The following AFF1 variants were observed in gnomAD, a reference collection of about 807,000 sequenced individuals.
AFF1 encodes the protein ALF transcription elongation factor 1, also known as AF4/FMR2 family member 1.
A neutral mutation model predicts 121.7 loss-of-function variants in AFF1; 48 were observed. That is an observed-to-expected ratio of 0.39 (90% confidence interval 0.31 to 0.50). The LOEUF (loss-of-function observed/expected upper bound fraction) is 0.50, where lower values mean the gene tolerates loss of function less well. Among genes scored for constraint, AFF1 ranks in the 20% least tolerant of loss-of-function variants. AFF1 has a pLI of 0.76. For synonymous variants in AFF1, 613 were observed against 563.0 expected (o/e 1.09, Z -1.26); for missense variants, 1,523 against 1,511.7 (o/e 1.01, Z -0.12).
At chr4:87,040,720 C>G (rs1432240955) in intron 2 of AFF1, among the ~76,000 whole-genome samples, 1 of 151,854 alleles carries the variant, frequency 6.6e-6, no homozygotes, top group Non-Finnish European at 1.5e-5. Context: ...CAGGCGCCTG[C>G]CACCACACCC....
At chr4:87,071,823 G>A (rs1167977756) in intron 4 of AFF1, among the ~76,000 whole-genome samples, 3 of 152,164 alleles carry the variant, frequency 2.0e-5, no homozygotes, top group Non-Finnish European at 2.9e-5. Context: ...AGAAAAGTAT[G>A]GAGGGAAAGG....
chr4:87,079,944 C>T (rs1029187888), intron 4 of AFF1, among the ~76,000 whole-genome samples: 1 of 152,020 alleles, frequency 6.6e-6, no homozygotes, highest in African/African-American at 2.4e-5. Context: ...AATAATGGTG[C>T]GTCGTACAAT....
chr4:87,072,203 A>T (rs998699594), intron 4 of AFF1, among the ~76,000 whole-genome samples: 1 of 152,034 alleles, frequency 6.6e-6, no homozygotes, highest in Non-Finnish European at 1.5e-5. Context: ...CTCTACTAAA[A>T]ATACAAAAAA....
chr4:87,045,462 C>G (rs929570762), intron 2 of AFF1, among the ~76,000 whole-genome samples: 1 of 149,540 alleles, frequency 6.7e-6, no homozygotes, highest in Non-Finnish European at 1.5e-5. Flanking sequence ...CGTTTAACCC[C>G]TTTAGTGCCA....
chr4:87,042,147 T>C (rs993888907), intron 2 of AFF1, among the ~76,000 whole-genome samples: 5 of 152,196 alleles, frequency 3.3e-5, no homozygotes, highest in Non-Finnish European at 5.9e-5. Flanking sequence ...GTGATGTGTA[T>C]AGGCTCAACA....
intron 1 of AFF1, chr4:86,936,604 C>T (rs1197631512): frequency 1.3e-5 from 2 of 152,146 alleles, no homozygotes; most frequent in African/African-American, 2.4e-5. Context: ...CCGAAGAATA[C>T]CTAGGCATGG....
chr4:87,033,959 A>G (rs760641782), intron 2 of AFF1, among the ~76,000 whole-genome samples: 62 of 152,156 alleles, frequency 4.1e-4, no homozygotes, highest in Non-Finnish European at 7.2e-4. Flanking sequence ...TCAAGCGGGA[A>G]GGGGTGACTG....
intron 4 of AFF1, among the ~76,000 whole-genome samples, chr4:87,083,852 T>A (rs1485849716): frequency 1.3e-5 from 2 of 152,050 alleles, no homozygotes; most frequent in African/African-American, 4.8e-5. Flanking sequence ...AGCCTCCACC[T>A]CCCTGGCTCA....
intron 2 of AFF1, chr4:87,007,294 C>G: frequency 6.4e-7 from 1 of 1,570,454 alleles, no homozygotes; most frequent in Non-Finnish European, 8.6e-7. Context: ...CGGGGCGCCG[C>G]GCCGGGACGC....
At chr4:87,048,687 T>G (rs1354582905) in intron 4 of AFF1, among the ~76,000 whole-genome samples, 1 of 152,188 alleles carries the variant, frequency 6.6e-6, no homozygotes, top group Non-Finnish European at 1.5e-5. Flanking sequence ...CTTGTAACTT[T>G]CTGGTGTCAG....
chr4:87,060,985 G>A (rs1266429112), intron 4 of AFF1, among the ~76,000 whole-genome samples: 1 of 151,964 alleles, frequency 6.6e-6, no homozygotes, highest in Non-Finnish European at 1.5e-5. Flanking sequence ...AACCGGTACC[G>A]AGGTCTTTTA....
At chr4:86,941,529 A>G (rs965262030) in intron 1 of AFF1, among the ~76,000 whole-genome samples, 1 of 152,108 alleles carries the variant, frequency 6.6e-6, no homozygotes, top group Non-Finnish European at 1.5e-5. Context: ...GTGGTAGCAC[A>G]TGCCTGTAAT....
chr4:86,971,307 G>GT (rs1722929837), intron 2 of AFF1, among the ~76,000 whole-genome samples: 1 of 152,204 alleles, frequency 6.6e-6, no homozygotes, highest in Admixed American at 6.5e-5. Flanking sequence ...ATTATAACAT[G>GT]TTATTTTTAA....
chr4:86,993,206 A>G (rs1412365122), intron 2 of AFF1, among the ~76,000 whole-genome samples: 1 of 152,234 alleles, frequency 6.6e-6, no homozygotes, highest in Non-Finnish European at 1.5e-5. Flanking sequence ...AACATTTGCT[A>G]GGAATAAAAA....
Position 87,131,101 on chromosome 4 carries a change from G to T in AFF1, c.2983G>T (p.Ala995Ser), listed in dbSNP as rs773527390. ...CCTGCAGACGGACAGGGTTGGAAAGGCTTTTAAGTACCTGGAAGCCGTCTT... is the reference window on the plus strand; with the variant it reads ...CCTGCAGACGGACAGGGTTGGAAAGTCTTTTAAGTACCTGGAAGCCGTCTT... ...AELMTDRVGKAFKYLEAVLSF... is the reference protein window; with the variant it reads ...AELMTDRVGKSFKYLEAVLSF... Residue 995 changes from alanine (A) to serine (S), a missense_variant, in exon 17 of 21, where the codon GCT becomes TCT. Physicochemically the swap from Ala to Ser is moderately conservative, Grantham distance 99. Transcript: ENST00000395146. 2 of 1,614,174 alleles carry T rather than the reference G, an allele frequency of 1.2e-6. No homozygotes were observed. Among genetic ancestry groups the T allele is most frequent in the South Asian group, 2.2e-5 (2 of 91,082 alleles).
At chr4:87,085,341 G>A (rs1723613168) in intron 5 of AFF1, among the ~76,000 whole-genome samples, 1 of 150,212 alleles carries the variant, frequency 6.7e-6, no homozygotes, top group African/African-American at 2.5e-5. Context: ...TGAGGGTTTT[G>A]TGTATTTTTT....
In AFF1 at chr4:87,114,226, G is replaced by A. The variant is rs947957429; in HGVS notation, c.1534-141G>A. On this transcript the variant is annotated intron_variant, in intron 11 of 20. Transcript: ENST00000395146. ...ATTGTTATAGAACTTATAACTTGAG[G>A]AGGATGACCGGAACCTAAATTCTGG... 3.6e-5 allele frequency: 24 copies of A among 658,288 alleles called. No homozygotes were observed. The East Asian group carries it at 4.8e-4, about 13-fold the overall frequency. The allele number at this position is 658,288 out of a possible 1,614,324, so 40.8% of individuals were successfully genotyped here.
At position 87,047,287 on chromosome 4, in the gene AFF1, A is replaced by T. The variant is rs758823551; in HGVS notation, c.752A>T (p.Lys251Ile). Residue 251 changes from lysine (K) to isoleucine (I), a missense_variant, in exon 4 of 21, where the codon AAA (lysine) becomes ATA (isoleucine). This residue lies in a region of AFF1 where 369 missense variants were observed against 367.2 expected (regional missense o/e 1.00). Transcript: ENST00000395146. ...SNNSKGYCPA[K>I]SPKDLAVKVH... is the part of the protein sequence containing the mutation. Reference sequence around the variant, plus strand: ...AACAGTAAAGGCTATTGCCCAGCCAAATCTCCCAAGGACCTAGCAGTGAAA... The same window carrying T: ...AACAGTAAAGGCTATTGCCCAGCCATATCTCCCAAGGACCTAGCAGTGAAA... 7.4e-6 allele frequency: 12 copies of T among 1,614,038 alleles called. No homozygotes were observed. In the South Asian group the frequency reaches 1.3e-4, roughly 18 times the overall value.
In AFF1 at chr4:86,949,545, T is replaced by TATA. The variant is rs1230087109; in HGVS notation, c.38+974_38+975insATA. 56 of 359,028 alleles carry TATA rather than the reference T, an allele frequency of 1.6e-4. 3 individuals carry two copies. In the Admixed American group the frequency reaches 2.8e-3, roughly 18 times the overall value. The allele number at this position is 359,028 out of a possible 1,614,324, so 22.2% of individuals were successfully genotyped here. Reference sequence around the variant, plus strand: ...TAATTATTATTATTATTATTTTTTTTTTTTTTTTTTTCCCGACTGGGGCAG... The same window carrying TATA: ...TAATTATTATTATTATTATTTTTTTTATATTTTTTTTTTTCCCGACTGGGGCAG... On this transcript the variant is annotated intron_variant, in intron 2 of 20. Coordinates refer to ENST00000395146, the MANE Select transcript of AFF1 (RefSeq NM_001166693.3).
Sources: allele counts gnomAD v4.1 joint callset (sites outside exome capture counted in the v4.1 genomes callset), GRCh38; gene constraint gnomAD v4.1.1; regional missense constraint gnomAD v4.1.1; transcripts MANE v1.5; gene names NCBI Gene and HGNC (gene_info 2026-07-23, HGNC 2026-07-21).